TRPS1: variants seen among roughly 807,000 people sequenced by gnomAD.
TRPS1 encodes the protein zinc finger transcription factor Trps1.
In TRPS1, 6 loss-of-function variants were observed where a neutral mutation model predicts 101.2. The observed-to-expected ratio is 0.06, with a 90% CI of 0.03 to 0.12. The LOEUF (loss-of-function observed/expected upper bound fraction) is 0.12. TRPS1 is among the 10% of genes least tolerant of loss of function. The pLI is 1.00. For missense variants in TRPS1, 1,363 were observed against 1,567.0 expected, an observed-to-expected ratio of 0.87 and a Z score of 2.20; for synonymous variants, 578 against 589.8, an observed-to-expected ratio of 0.98 and a Z score of 0.29.
intron 5 of TRPS1, among the ~76,000 whole-genome samples, chr8:115,565,182 A>T (rs192165251): frequency 1.8e-4 from 28 of 152,290 alleles, no homozygotes; most frequent in African/African-American, 6.0e-4. Context: ...TAAATGACAC[A>T]TAACGATGTG....
At chr8:115,584,831 A>C (rs1021746181) in intron 5 of TRPS1, among the ~76,000 whole-genome samples, 1 of 152,086 alleles carries the variant, frequency 6.6e-6, no homozygotes, top group African/African-American at 2.4e-5. Flanking sequence ...ATATACAGCT[A>C]ATAACCTAAA....
At chr8:115,502,780 G>A (rs1018630535) in intron 5 of TRPS1, among the ~76,000 whole-genome samples, 10 of 152,040 alleles carry the variant, frequency 6.6e-5, no homozygotes, top group Admixed American at 5.9e-4. Context: ...TTTTGAAATG[G>A]CATCTCATGT....
At chr8:115,620,133 T>C in intron 2 of TRPS1, 73 bp from the exon 3 acceptor site, 2 of 1,484,614 alleles carry the variant, frequency 1.3e-6, no homozygotes, top group East Asian at 2.3e-5. Flanking sequence ...ATCTGGAATA[T>C]TTTACTTATG....
At chr8:115,505,920 A>C (rs1470666702) in intron 5 of TRPS1, among the ~76,000 whole-genome samples, 1 of 136,818 alleles carries the variant, frequency 7.3e-6, no homozygotes. Flanking sequence ...TGTATCTCCT[A>C]ATTTGGAAAG....
intron 5 of TRPS1, among the ~76,000 whole-genome samples, chr8:115,448,110 T>C (rs1314803619): frequency 6.6e-6 from 1 of 152,172 alleles, no homozygotes; most frequent in African/African-American, 2.4e-5. Context: ...TTCATTTTTG[T>C]AAACTAAACA....
chr8:115,409,856 T>C lies in TRPS1; in HGVS notation c.*4167A>G, dbSNP rs1443687624. ...ATTTCAATTCCTCAATTTTCTCTTG[T>C]GCCTTGGACAGTCAGCAAGCTTTCA... On this transcript the variant is annotated 3_prime_UTR_variant, in exon 7 of 7. Coordinates refer to ENST00000395715, the MANE Select transcript of TRPS1 (RefSeq NM_014112.5). 6.6e-6 allele frequency: 1 copy of C among 152,444 alleles called. No individual in the cohort carries two copies. The highest frequency in any genetic ancestry group is 2.4e-5 in the African/African-American group (1 of 41,420). 9.4% of individuals were successfully genotyped at this position (152,444 alleles called of 1,614,324 possible). A position where few individuals can be genotyped will look rare whatever the true frequency, so the allele number is the denominator to read the frequency against.
chr8:115,643,723 T>C (rs1818953479), intron 1 of TRPS1, among the ~76,000 whole-genome samples: 1 of 152,210 alleles, frequency 6.6e-6, no homozygotes, highest in African/African-American at 2.4e-5. Context: ...TCATGAATGT[T>C]CTTAATGGTA....
chr8:115,623,489 T>C lies in TRPS1; in HGVS notation c.37+112A>G, dbSNP rs571124951. On this transcript the variant is annotated intron_variant, in intron 2 of 6. Coordinates refer to ENST00000395715, the MANE Select transcript of TRPS1 (RefSeq NM_014112.5). ...TCGTAAGTTAGATACCATAAGACTA[T>C]AGCCACCCTCAAGTTATTATCTCTA... The C allele has an allele frequency of 2.6e-5, 33 of 1,285,404 alleles. No individual in the cohort carries two copies. In the East Asian group the frequency reaches 3.5e-4, roughly 14 times the overall value. 79.6% of individuals were successfully genotyped at this position (1,285,404 alleles called of 1,614,324 possible).
intron 5 of TRPS1, among the ~76,000 whole-genome samples, chr8:115,569,445 T>C (rs1052304141): frequency 1.3e-5 from 2 of 152,142 alleles, no homozygotes; most frequent in Non-Finnish European, 2.9e-5. Context: ...AAATATAACC[T>C]GTACTTTTAT....
chr8:115,588,159 A>G (rs1817609662), intron 4 of TRPS1, among the ~76,000 whole-genome samples: 2 of 152,226 alleles, frequency 1.3e-5, no homozygotes, highest in South Asian at 2.1e-4. Context: ...GCTTTTCCAT[A>G]TATTAAAAGG....
chr8:115,540,277 A>C (rs562170876), intron 5 of TRPS1, among the ~76,000 whole-genome samples: 4 of 152,356 alleles, frequency 2.6e-5, no homozygotes, highest in African/African-American at 9.6e-5. Flanking sequence ...AATTAATAAG[A>C]AAATGTAGTA....
chr8:115,436,017 C>CAA (rs1813442668), intron 5 of TRPS1, among the ~76,000 whole-genome samples: 1 of 151,218 alleles, frequency 6.6e-6, no homozygotes, highest in Non-Finnish European at 1.5e-5. Flanking sequence ...CACACACACA[C>CAA]ACACACACAC....
At chr8:115,421,529 A>G (rs188776269) in intron 5 of TRPS1, among the ~76,000 whole-genome samples, 120 of 152,318 alleles carry the variant, frequency 7.9e-4, no homozygotes, top group African/African-American at 2.8e-3. Flanking sequence ...TGGAAAGTTG[A>G]GTCAGAGTGA....
intron 1 of TRPS1, 124 bp from the exon 2 acceptor site, chr8:115,623,882 G>A: frequency 3.4e-6 from 3 of 887,984 alleles, no homozygotes; most frequent in Non-Finnish European, 4.5e-6. Flanking sequence ...AAAAGCATGA[G>A]CAAATCTGGA....
intron 6 of TRPS1, among the ~76,000 whole-genome samples, chr8:115,417,106 A>G (rs1312227986): frequency 6.6e-6 from 1 of 152,190 alleles, no homozygotes. Flanking sequence ...CTCAGTGGTT[A>G]AGTTCCCATA....
intron 5 of TRPS1, among the ~76,000 whole-genome samples, chr8:115,461,970 A>G (rs1002964702): frequency 2.0e-5 from 3 of 152,188 alleles, no homozygotes; most frequent in African/African-American, 4.8e-5. Flanking sequence ...CCCAGAACCA[A>G]TGAGTGGAAG....
intron 4 of TRPS1, among the ~76,000 whole-genome samples, chr8:115,603,407 A>G (rs1817953654): frequency 6.6e-6 from 1 of 152,212 alleles, no homozygotes; most frequent in Non-Finnish European, 1.5e-5. Flanking sequence ...AGAAGAATAT[A>G]TAATCTCATT....
At chr8:115,429,429 T>C (rs186854154) in intron 5 of TRPS1, among the ~76,000 whole-genome samples, 1 of 152,274 alleles carries the variant, frequency 6.6e-6, no homozygotes, top group East Asian at 1.9e-4. Context: ...TACATTGTCT[T>C]GGGTAGGAAA....
chr8:115,666,449 T>C (rs1212231338), intron 1 of TRPS1, among the ~76,000 whole-genome samples: 1 of 151,624 alleles, frequency 6.6e-6, no homozygotes, highest in African/African-American at 2.4e-5. Flanking sequence ...TTAGATCCTG[T>C]TTGCTTTTAT....
Sources: gnomAD v4.1 joint callset for allele counts (sites outside exome capture counted in the v4.1 genomes callset) on GRCh38, gnomAD v4.1.1 for gene constraint, MANE v1.5 for transcripts, NCBI Gene and HGNC (gene_info 2026-07-23, HGNC 2026-07-21) for gene names.